Variants in PLCD4 observed in about 807,000 individuals in gnomAD.
PLCD4 encodes 1-phosphatidylinositol 4,5-bisphosphate phosphodiesterase delta-4.
In PLCD4, 63 loss-of-function variants were observed where a neutral mutation model predicts 90.2. That is an observed-to-expected ratio of 0.70 (90% confidence interval 0.57 to 0.86). The LOEUF is 0.86. Among genes scored for constraint, PLCD4 ranks in the 40% least tolerant of loss-of-function variants. The pLI, the probability that PLCD4 is intolerant of heterozygous loss-of-function variation, is 0.00. For synonymous variants in PLCD4, 294 were observed against 356.5 expected (o/e 0.82, Z 1.97); for missense variants, 830 against 956.3 (o/e 0.87, Z 1.74).
At position 218,632,154 on chromosome 2, in the gene PLCD4, C is replaced by T; in HGVS notation, c.1291C>T (p.Leu431=). The change falls in exon 10 of 16, where the codon CTG becomes TTG. Residue 431 remains leucine, a synonymous_variant. Transcript: ENST00000450993. ...CCCCTAGGAGCTTCGGAGGAAGATC[C>T]TGGTGAAGGGGAAGAAGTTAACACT... ...PSPEELRRKI[L]VKGKKLTLEE... 1 of 1,608,650 alleles carries T rather than the reference C, an allele frequency of 6.2e-7. No individual in the cohort carries two copies. The highest frequency in any genetic ancestry group is 8.5e-7 in the Non-Finnish European group (1 of 1,177,850).
chr2:218,627,503 C>T (rs1007047258), intron 6 of PLCD4, among the ~76,000 whole-genome samples: 1 of 151,420 alleles, frequency 6.6e-6, no homozygotes, highest in East Asian at 1.9e-4. Flanking sequence ...TATTGGATAG[C>T]ACTGGACTCA....
At chr2:218,624,806 A>G (rs1183348079) in intron 6 of PLCD4, among the ~76,000 whole-genome samples, 1 of 151,818 alleles carries the variant, frequency 6.6e-6, no homozygotes, top group African/African-American at 2.4e-5. Flanking sequence ...AGAGAGTTAA[A>G]AGTTTAAGAG....
intron 10 of PLCD4, 123 bp from the exon 11 acceptor site, chr2:218,633,482 G>A: frequency 2.6e-6 from 3 of 1,164,550 alleles, no homozygotes; most frequent in Non-Finnish European, 3.8e-6. Context: ...GTCCCGGCAG[G>A]TGAGGCAGGA....
At position 218,636,218 on chromosome 2, in the gene PLCD4, T is replaced by A. The variant is rs769542701; in HGVS notation, c.2033-25T>A. 1.7e-5 allele frequency: 27 copies of A among 1,606,550 alleles called. No individual in the cohort carries two copies. In the South Asian group the frequency reaches 3.0e-4, roughly 18 times the overall value. On this transcript the variant is annotated intron_variant, in intron 14 of 15. Coordinates refer to ENST00000450993, the MANE Select transcript of PLCD4 (RefSeq NM_032726.4). ...CAAGAAAACTGTCATAATGTCTTCT[T>A]ATTTCTTTCTGTCCACCAACTCAGG...
rs912561668 is a variant in PLCD4, at chr2:218,629,406, T to A, written c.975-113T>A. ...TCTATGCAGATGTAGCTTGAAGGGGTCTGGATGGGTAAGTGCTGGTGAGCA... is the reference window on the plus strand; with the variant it reads ...TCTATGCAGATGTAGCTTGAAGGGGACTGGATGGGTAAGTGCTGGTGAGCA... On this transcript the variant is annotated intron_variant, in intron 7 of 15. Coordinates refer to ENST00000450993, the MANE Select transcript of PLCD4 (RefSeq NM_032726.4). 1.8e-5 allele frequency: 23 copies of A among 1,249,974 alleles called. No individual in the cohort carries two copies. The Middle Eastern group carries it at 9.8e-4, about 53-fold the overall frequency. The allele number at this position is 1,249,974 out of a possible 1,614,324, so 77.4% of individuals were successfully genotyped here.
At chr2:218,632,357 T>A in intron 10 of PLCD4, 45 bp downstream of exon 10, 3 of 1,548,186 alleles carry the variant, frequency 1.9e-6, no homozygotes, top group Non-Finnish European at 2.6e-6. Context: ...AGTCAACTTA[T>A]GCAAGCTGAA....
rs1291834378 is a variant in PLCD4, at chr2:218,634,524, G to A, written c.1790G>A (p.Gly597Asp). The A allele has an allele frequency of 6.2e-7, 1 of 1,614,086 alleles. No homozygotes were observed. The highest frequency in any genetic ancestry group is 2.2e-5 in the East Asian group (1 of 44,888). ...TGTGATGGGCATTTCCGCCAGAATG[G>A]CGGCTGTGGCTATGTGCTGAAGCCA... ...DICDGHFRQN[G>D]GCGYVLKPDF... The change falls in exon 13 of 16, where the codon GGC (glycine) becomes GAC (aspartate). Residue 597 changes from glycine (G) to aspartate (D), a missense_variant. Gly to Asp is a moderately conservative substitution (Grantham distance 94). Coordinates refer to ENST00000450993, the MANE Select transcript of PLCD4 (RefSeq NM_032726.4). The surrounding 1 kb of genome is among the most constrained non-coding windows in gnomAD (Gnocchi z 4.0).
chr2:218,632,070 T>A, intron 9 of PLCD4, 66 bp from the exon 10 acceptor site: 8 of 1,478,366 alleles, frequency 5.4e-6, no homozygotes, highest in Admixed American at 2.5e-5. Flanking sequence ...ACAATGAGAC[T>A]GGCATGATTC....
At chr2:218,620,777 TC>T (rs1695835585) in intron 4 of PLCD4, among the ~76,000 whole-genome samples, 1 of 146,940 alleles carries the variant, frequency 6.8e-6, no homozygotes, top group African/African-American at 2.5e-5. Flanking sequence ...GCCTGTAATC[TC>T]AGCTACTCAG....
At chr2:218,622,931 A>G (rs1695951276) in intron 6 of PLCD4, 53 bp downstream of exon 6, 7 of 1,493,118 alleles carry the variant, frequency 4.7e-6, no homozygotes, top group Non-Finnish European at 6.4e-6. Flanking sequence ...AGAGAGGGAC[A>G]TGATTACAAG....
At chr2:218,624,054 A>G (rs1696001186) in intron 6 of PLCD4, among the ~76,000 whole-genome samples, 1 of 152,234 alleles carries the variant, frequency 6.6e-6, no homozygotes, top group Non-Finnish European at 1.5e-5. Context: ...ATAAAAGAGG[A>G]AAACTGAGGT....
chr2:218,611,738 A>C (rs1695344042), intron 1 of PLCD4, among the ~76,000 whole-genome samples: 1 of 150,344 alleles, frequency 6.7e-6, no homozygotes, highest in Non-Finnish European at 1.5e-5. Context: ...AGCTGGGATT[A>C]CAGGTGTGCA....
intron 6 of PLCD4, among the ~76,000 whole-genome samples, chr2:218,624,490 G>A (rs940332861): frequency 9.9e-5 from 15 of 152,064 alleles, no homozygotes; most frequent in African/African-American, 3.4e-4. Flanking sequence ...TTGGGAGACC[G>A]GGCAGATAAC....
intron 3 of PLCD4, among the ~76,000 whole-genome samples, chr2:218,616,964 A>AGAGAGAT: frequency 9.5e-6 from 1 of 105,736 alleles, no homozygotes; most frequent in African/African-American, 3.3e-5. Context: ...AGAGAGAGAG[A>AGAGAGAT]GAGAGAGAGA....
intron 5 of PLCD4, 163 bp from the exon 6 acceptor site, chr2:218,622,484 T>G: frequency 2.0e-6 from 1 of 498,446 alleles, no homozygotes; most frequent in Non-Finnish European, 3.5e-6. Context: ...CTCCATGATG[T>G]GCTTATTTCA....
At chr2:218,633,875 A>C in intron 11 of PLCD4, 114 bp downstream of exon 11, 1 of 1,315,684 alleles carries the variant, frequency 7.6e-7, no homozygotes, top group Non-Finnish European at 1.1e-6. Context: ...GAGATGAAGG[A>C]GTTCAGAAAC....
At chr2:218,632,369 G>A (rs1251379246) in intron 10 of PLCD4, 57 bp downstream of exon 10, 10 of 1,513,674 alleles carry the variant, frequency 6.6e-6, no homozygotes, top group Non-Finnish European at 8.9e-6. Flanking sequence ...CAAGCTGAAG[G>A]CCTGTTCATG....
chr2:218,630,818 C>T lies in PLCD4; in HGVS notation c.1272+16C>T. 6.2e-7 allele frequency: 1 copy of T among 1,601,568 alleles called. No individual in the cohort carries two copies. The highest frequency in any genetic ancestry group is 8.5e-7 in the Non-Finnish European group (1 of 1,172,684). ...CTCGCCTGAGGTAGGGACACTGTTC[C>T]TCCAGCCCAGGCTCTGCTGTGGCTT... is the stretch of plus-strand genomic sequence containing the variant. On this transcript the variant is annotated intron_variant, in intron 9 of 15. Coordinates refer to ENST00000450993, the MANE Select transcript of PLCD4 (RefSeq NM_032726.4).
At chr2:218,628,356 A>T (rs1696206984) in intron 7 of PLCD4, 126 bp downstream of exon 7, 1 of 872,230 alleles carries the variant, frequency 1.1e-6, no homozygotes, top group South Asian at 1.6e-5. Context: ...AGCCCTGGAT[A>T]CCAGAGACAC....
Sources: allele counts gnomAD v4.1 joint callset (sites outside exome capture counted in the v4.1 genomes callset), GRCh38; gene constraint gnomAD v4.1.1; non-coding constraint Gnocchi (gnomAD v3.1); transcripts MANE v1.5; gene names NCBI Gene and HGNC (gene_info 2026-07-23, HGNC 2026-07-21).